OTOG: variants seen among roughly 807,000 people sequenced by gnomAD.
The protein encoded by OTOG is otogelin.
OTOG carries 296 observed loss-of-function variants against 313.8 expected under a neutral mutation model. The ratio of observed to expected loss-of-function variants is 0.94; its 90% CI spans 0.86 to 1.04. The LOEUF (loss-of-function observed/expected upper bound fraction) is 1.04, where lower values mean the gene tolerates loss of function less well. Ranked by LOEUF, OTOG falls within the 50% of genes least tolerant of loss-of-function variation. The pLI, the probability that OTOG is intolerant of heterozygous loss-of-function variation, is 0.00. For missense variants in OTOG, 3,948 were observed against 3,840.1 expected (o/e 1.03, Z -0.74); for synonymous variants, 1,533 against 1,554.9 (o/e 0.99, Z 0.33).
chr11:17,552,615 T>TGTGTCCCCCACCTGTCCTGTGTCCC (rs1454853324), intron 4 of OTOG, among the ~76,000 whole-genome samples: 12 of 151,028 alleles, frequency 7.9e-5, no homozygotes, highest in African/African-American at 2.2e-4. Flanking sequence ...CCACCTGTCC[T>TGTGTCCCCCACCTGTCCTGTGTCCC]CTCACATCAT....
intron 15 of OTOG, among the ~76,000 whole-genome samples, chr11:17,568,759 A>T (rs1310998002): frequency 6.6e-6 from 1 of 152,178 alleles, no homozygotes; most frequent in Non-Finnish European, 1.5e-5. Context: ...GGAGTGCAGG[A>T]TGTGAACATG....
intron 4 of OTOG, 64 bp downstream of exon 4, chr11:17,552,139 A>T: frequency 6.8e-7 from 1 of 1,473,558 alleles, no homozygotes; most frequent in Non-Finnish European, 9.3e-7. Flanking sequence ...GAGGCCTGAA[A>T]GGGCAGAGGG....
intron 35 of OTOG, 101 bp from the exon 36 acceptor site, chr11:17,609,554 G>A (rs894125034): frequency 1.6e-5 from 18 of 1,096,118 alleles, no homozygotes; most frequent in South Asian, 1.7e-5. Flanking sequence ...CCCCATCACC[G>A]AGAGTGCCAG....
At chr11:17,606,226 C>G in intron 33 of OTOG, 91 bp downstream of exon 33, 1 of 1,398,560 alleles carries the variant, frequency 7.2e-7, no homozygotes, top group African/African-American at 1.4e-5. Flanking sequence ...TTCCAATTAC[C>G]CCTAAGAAGC....
At chr11:17,573,031 G>A in intron 18 of OTOG, 47 bp from the exon 19 acceptor site, 3 of 1,474,602 alleles carry the variant, frequency 2.0e-6, no homozygotes, top group East Asian at 2.5e-5. Flanking sequence ...GGGACACCAG[G>A]TAGACCGACT....
At chr11:17,580,752 T>C (rs1852647120) in intron 23 of OTOG, among the ~76,000 whole-genome samples, 1 of 152,198 alleles carries the variant, frequency 6.6e-6, no homozygotes, top group African/African-American at 2.4e-5. Context: ...ATTTATTGTG[T>C]TTCTACTAGG....
At chr11:17,617,141 A>C (rs1253610673) in intron 39 of OTOG, among the ~76,000 whole-genome samples, 2 of 152,070 alleles carry the variant, frequency 1.3e-5, no homozygotes, top group South Asian at 2.1e-4. Flanking sequence ...TCACATTATT[A>C]ATTTGATGAA....
chr11:17,574,313 G>A (rs1396066445), intron 19 of OTOG, among the ~76,000 whole-genome samples: 1 of 123,660 alleles, frequency 8.1e-6, no homozygotes, highest in Non-Finnish European at 1.8e-5. Flanking sequence ...TGAGGGGGTA[G>A]GAGTGTGTGT....
At chr11:17,596,756 TC>T (rs1853119513) in intron 29 of OTOG, 94 bp from the exon 30 acceptor site, 1 of 1,121,486 alleles carries the variant, frequency 8.9e-7, no homozygotes. Context: ...TATCCCGTGG[TC>T]CCTTCATGTT....
chr11:17,590,490 A>G (rs7116393), intron 24 of OTOG, among the ~76,000 whole-genome samples: 66,610 of 152,110 alleles, frequency 0.44, 15,685 homozygotes, highest in African/African-American at 0.62. Context: ...CCAGGCTGCC[A>G]TGATCTCTTC....
rs1344470483 is a variant in OTOG, at chr11:17,611,150, G to A, written c.5850G>A (p.Glu1950=). 6.4e-7 allele frequency: 1 copy of A among 1,550,496 alleles called. No homozygotes were observed. The highest frequency in any genetic ancestry group is 2.4e-5 in the East Asian group (1 of 40,914). ...TCACGCCCTTGGTGGCTGAGCCCGAGGGAGCCCAGGCAGGCACAGCTCTGC... is the reference window on the plus strand; with the variant it reads ...TCACGCCCTTGGTGGCTGAGCCCGAAGGAGCCCAGGCAGGCACAGCTCTGC... ...HPLTPLVAEP[E]GAQAGTALPV... is the part of the protein sequence containing the mutation. The change falls in exon 36 of 56, where the codon GAG becomes GAA. Residue 1950 remains glutamate (E), a synonymous_variant. Coordinates refer to ENST00000399397, the MANE Select transcript of OTOG (RefSeq NM_001292063.2).
chr11:17,605,880 G>T lies in OTOG; in HGVS notation c.3901G>T (p.Ala1301Ser). ...AGACCCAGATGTGGTGTCCCTGGAGGCAGCAGACAGACCCAACTTCTTCCT... is the reference window on the plus strand; with the variant it reads ...AGACCCAGATGTGGTGTCCCTGGAGTCAGCAGACAGACCCAACTTCTTCCT... ...AHDPDVVSLEAADRPNFFLHV... is the reference protein window; with the variant it reads ...AHDPDVVSLESADRPNFFLHV... The change falls in exon 33 of 56, where the codon GCA becomes TCA. Residue 1301 changes from alanine to serine, a missense_variant. Coordinates refer to ENST00000399397, the MANE Select transcript of OTOG (RefSeq NM_001292063.2). 6.5e-7 allele frequency: 1 copy of T among 1,548,134 alleles called. No homozygotes were observed. Among genetic ancestry groups the T allele is most frequent in the Non-Finnish European group, 8.7e-7 (1 of 1,145,318 alleles).
chr11:17,552,530 C>T (rs1589992468), intron 4 of OTOG, among the ~76,000 whole-genome samples: 1 of 143,156 alleles, frequency 7.0e-6, no homozygotes, highest in Admixed American at 7.0e-5. Context: ...GTTCCTACCT[C>T]CCCCACCTGT....
In OTOG at chr11:17,555,782, C is replaced by A; in HGVS notation, c.544C>A (p.His182Asn). The A allele has an allele frequency of 6.5e-7, 1 of 1,550,192 alleles. No individual in the cohort carries two copies. The highest frequency in any genetic ancestry group is 2.4e-5 in the East Asian group (1 of 40,926). ...PEGQSFSIQV[H>N]NDPQCGSSPY... ...AGCCTCTGAACTCCCTACTCAGGTACACAATGACCCGCAGTGTGGCTCTTC... is the reference window on the plus strand; with the variant it reads ...AGCCTCTGAACTCCCTACTCAGGTAAACAATGACCCGCAGTGTGGCTCTTC... Residue 182 changes from histidine (H) to asparagine (N), a missense_variant, in exon 7 of 56, where the codon CAC becomes AAC. Transcript: ENST00000399397.
chr11:17,608,361 T>C lies in OTOG; in HGVS notation c.4222T>C (p.Cys1408Arg), dbSNP rs1185862964. The change falls in exon 34 of 56, where the codon TGC (cysteine) becomes CGC (arginine). Residue 1408 changes from cysteine (C) to arginine (R), a missense_variant. Coordinates refer to ENST00000399397, the MANE Select transcript of OTOG (RefSeq NM_001292063.2). ...GCGCTACGATGCCTGTGCCAGCCCC[T>C]GCTTCCAAACCTGCCGGGACCCACG... ...EWRYDACASP[C>R]FQTCRDPRAA... is the part of the protein sequence containing the mutation. 2.6e-5 allele frequency: 40 copies of C among 1,547,570 alleles called. No homozygotes were observed. The highest frequency in any genetic ancestry group is 3.5e-5 in the Non-Finnish European group (40 of 1,145,894).
intron 12 of OTOG, 65 bp from the exon 13 acceptor site, chr11:17,560,644 G>A (rs1000341678): frequency 1.4e-5 from 16 of 1,179,006 alleles, no homozygotes; most frequent in Non-Finnish European, 1.2e-6. Flanking sequence ...GAGGCCCTGG[G>A]GAGCCACGAA....
chr11:17,577,419 A>AG (rs1005018193), intron 22 of OTOG, among the ~76,000 whole-genome samples: 6 of 151,998 alleles, frequency 3.9e-5, no homozygotes, highest in African/African-American at 1.2e-4. Flanking sequence ...GAGGTGGAGT[A>AG]GGGCCTGGGG....
chr11:17,602,101 T>A lies in OTOG; in HGVS notation c.3710-109T>A, dbSNP rs1045901839. 8.0e-6 allele frequency: 10 copies of A among 1,246,060 alleles called. No homozygotes were observed. The African/African-American group carries it at 1.2e-4, about 15-fold the overall frequency. The allele number at this position is 1,246,060 out of a possible 1,614,324, so 77.2% of individuals were successfully genotyped here. On this transcript the variant is annotated intron_variant, in intron 31 of 55. Coordinates refer to ENST00000399397, the MANE Select transcript of OTOG (RefSeq NM_001292063.2). ...GATGAAGGACACCATCAAGAGTTCC[T>A]CCTTGGTAGCTTGCCCTCCCACCCC...
rs765249997 is a variant in OTOG at position 17,643,463 on chromosome 11, T to G, written c.8418T>G (p.Val2806=). The G allele has an allele frequency of 2.4e-5, 35 of 1,444,114 alleles. No individual in the cohort carries two copies. Among genetic ancestry groups the G allele is most frequent in the African/African-American group, 3.0e-5 (2 of 67,564 alleles). 89.5% of individuals were successfully genotyped at this position (1,444,114 alleles called of 1,614,324 possible). The part of the protein sequence containing the change: ...PPLNETECAK[V]GGSVVPSLEG... Reference sequence around the variant, plus strand: ...CTCCCCCGACTTCCTCTCTCTAGGTTGGGGGTTCCGTGGTACCTTCCTTGG... The same window carrying G: ...CTCCCCCGACTTCCTCTCTCTAGGTGGGGGGTTCCGTGGTACCTTCCTTGG... The change falls in exon 54 of 56, where the codon GTT becomes GTG. Residue 2806 remains valine (V), a splice_region_variant and synonymous_variant. Transcript: ENST00000399397.
Sources: gnomAD v4.1 joint callset for allele counts (sites outside exome capture counted in the v4.1 genomes callset) on GRCh38, gnomAD v4.1.1 for gene constraint, MANE v1.5 for transcripts, NCBI Gene and HGNC (gene_info 2026-07-23, HGNC 2026-07-21) for gene names.